Variants in LILRB2 observed in about 807,000 individuals in gnomAD.
LILRB2 encodes the protein leukocyte immunoglobulin like receptor B2.
A neutral mutation model predicts 72.7 loss-of-function variants in LILRB2; 47 were observed. That is an observed-to-expected ratio of 0.65 (90% confidence interval 0.51 to 0.82). The LOEUF is 0.82. Ranked by LOEUF, LILRB2 falls within the 40% of genes least tolerant of loss-of-function variation. LILRB2 has a pLI of 0.00. For synonymous variants in LILRB2, 279 were observed against 313.7 expected (o/e 0.89, Z 1.17); for missense variants, 767 against 764.8 (o/e 1.00, Z -0.03).
intron 13 of LILRB2, chr19:54,275,507 G>A (rs188561435): frequency 0.013 from 6,448 of 510,806 alleles, 173 homozygotes; most frequent in African/African-American, 0.054. Context: ...TGGACATGGC[G>A]CATTTATTTG....
rs759453589 is a variant in LILRB2, at chr19:54,275,918, C to T, written c.1647+33G>A. On this transcript the variant is annotated intron_variant, in intron 13 of 13. Transcript: ENST00000314446. ...CTGGATTAGATCTGGCACCAGGAGG[C>T]CTTTGGTGCCTGGGACAGGGGCGGG... 6.8e-6 allele frequency: 11 copies of T among 1,612,892 alleles called. No homozygotes were observed. The East Asian group carries it at 2.2e-4, about 33-fold the overall frequency.
intron 3 of LILRB2, 39 bp downstream of exon 3, chr19:54,280,225 T>G (rs1295879343): frequency 6.2e-7 from 1 of 1,613,328 alleles, no homozygotes; most frequent in East Asian, 2.2e-5. Context: ...TTGTCCCCAG[T>G]GAGGAGGAGG....
chr19:54,279,266 C>G (rs2080425891), intron 5 of LILRB2, 79 bp downstream of exon 5: 1 of 1,551,576 alleles, frequency 6.4e-7, no homozygotes. Flanking sequence ...TGGAACTGCC[C>G]TGAGACACGG....
At position 54,278,020 on chromosome 19, in the gene LILRB2, C is replaced by A. The variant is rs545573032; in HGVS notation, c.1259-81G>T. The A allele has an allele frequency of 5.4e-5, 65 of 1,200,752 alleles. No homozygotes were observed. The East Asian group carries it at 1.3e-3, about 24-fold the overall frequency. 74.4% of individuals were successfully genotyped at this position (1,200,752 alleles called of 1,614,324 possible). ...CTCAAACCAAATTTCTCTACATGGGCCCTGTGGCCTCCCCAGGCCCCTCCC... is the reference window on the plus strand; with the variant it reads ...CTCAAACCAAATTTCTCTACATGGGACCTGTGGCCTCCCCAGGCCCCTCCC... On this transcript the variant is annotated intron_variant, in intron 7 of 13. Transcript: ENST00000314446.
intron 13 of LILRB2, 158 bp from the exon 14 acceptor site, chr19:54,274,987 G>A: frequency 1.4e-5 from 22 of 1,610,008 alleles, no homozygotes; most frequent in Non-Finnish European, 1.8e-5. Flanking sequence ...GGAGGGAGGA[G>A]AGGCCATTTC....
chr19:54,279,033 C>A lies in LILRB2; in HGVS notation c.734G>T (p.Cys245Phe). The change falls in exon 6 of 14, where the codon TGT (cysteine) becomes TTT (phenylalanine). Residue 245 changes from cysteine (C) to phenylalanine (F), a missense_variant. By Grantham distance (205) the Cys-to-Phe change is radical. Transcript: ENST00000314446. The stretch of plus-strand genomic sequence containing the variant: ...TCTGTCATAGCCGACATCAGAGACA[C>A]ACTGGAGGGTCAGGCTTTCCCCAGG... ...MAPGESLTLQ[C>F]VSDVGYDRFV... The A allele has an allele frequency of 6.2e-7, 1 of 1,614,200 alleles. No individual in the cohort carries two copies. The highest frequency in any genetic ancestry group is 1.1e-5 in the South Asian group (1 of 91,086).
chr19:54,279,349 G>A lies in LILRB2; in HGVS notation c.654C>T (p.Val218=). 1 of 1,610,958 alleles carries A rather than the reference G, an allele frequency of 6.2e-7. No homozygotes were observed. Among genetic ancestry groups the A allele is most frequent in the Non-Finnish European group, 8.5e-7 (1 of 1,177,814 alleles). The change falls in exon 5 of 14, where the codon GTC becomes GTT. Residue 218 remains valine, a synonymous_variant. Transcript: ENST00000314446. ...SSPSDLLELL[V]PGVSKKPSLS... The stretch of plus-strand genomic sequence containing the variant: ...ACAATGCTGTGAATTTCTCACCTGG[G>A]ACCAGGAGCTCCAGGAGATCACTGG...
At position 54,280,484 on chromosome 19, in the gene LILRB2, C is replaced by T. The variant is rs139569696; in HGVS notation, c.13G>A (p.Val5Ile). Residue 5 changes from valine (V) to isoleucine (I), a missense_variant, in exon 2 of 14, where the codon GTC (valine) becomes ATC (isoleucine). Transcript: ENST00000314446. ...TCACCGAGACAGATCAGGACTGTGA[C>T]GATGGGGGTCATGGCGTCTCCTCCC... is the stretch of plus-strand genomic sequence containing the variant. Reference protein sequence around the residue: MTPIVTVLICLGLSL... With the variant: MTPIITVLICLGLSL... 203 of 1,612,952 alleles carry T rather than the reference C, an allele frequency of 1.3e-4. No individual in the cohort carries two copies. In the African/African-American group the frequency reaches 2.3e-3, roughly 18 times the overall value.
intron 7 of LILRB2, 136 bp downstream of exon 7, chr19:54,278,124 C>T (rs2080331928): frequency 1.6e-6 from 2 of 1,289,920 alleles, no homozygotes; most frequent in Non-Finnish European, 2.1e-6. Flanking sequence ...TGTCCTCCTT[C>T]CCTCTGAGGG....
At chr19:54,277,823 C>T (rs1235633488) in intron 8 of LILRB2, 66 bp downstream of exon 8, 8 of 1,395,128 alleles carry the variant, frequency 5.7e-6, no homozygotes, top group African/African-American at 1.4e-5. Flanking sequence ...TGGGATCCTC[C>T]TGGACACTCA....
chr19:54,276,850 G>C lies in LILRB2; in HGVS notation c.1437C>G (p.Phe479Leu). Residue 479 changes from phenylalanine to leucine, a missense_variant, in exon 10 of 14, where the codon TTC becomes TTG. Coordinates refer to ENST00000314446, the MANE Select transcript of LILRB2 (RefSeq NM_001080978.4). The part of the protein sequence containing the change: ...VLLLLLLLLL[F>L]LILRHRRQGK... ...CCTGACGTCGATGTCGGAGGATGAGGAAGAGGAGGAGGAGGAGGAGGAGCA... is the reference window on the plus strand; with the variant it reads ...CCTGACGTCGATGTCGGAGGATGAGCAAGAGGAGGAGGAGGAGGAGGAGCA... The C allele has an allele frequency of 6.2e-7, 1 of 1,614,022 alleles. No individual in the cohort carries two copies. The highest frequency in any genetic ancestry group is 8.5e-7 in the Non-Finnish European group (1 of 1,179,960).
intron 3 of LILRB2, 29 bp from the exon 4 acceptor site, chr19:54,280,104 A>C (rs1335784842): frequency 1.2e-6 from 2 of 1,612,180 alleles, no homozygotes; most frequent in Non-Finnish European, 1.7e-6. Context: ...TCAGATTCGA[A>C]GTCATTTCCC....
chr19:54,279,850 T>C lies in LILRB2; in HGVS notation c.296A>G (p.Gln99Arg), dbSNP rs757663648. The C allele has an allele frequency of 3.1e-6, 5 of 1,614,126 alleles. No individual in the cohort carries two copies. The East Asian group carries it at 8.9e-5, about 29-fold the overall frequency. ...AGACCACCGAGCGCGGCTGTAATAC[T>C]GACAGCCATATCGCCCTGTGTGTTC... Reference protein sequence around the residue: ...TWEHTGRYGCQYYSRARWSEL... With the variant: ...TWEHTGRYGCRYYSRARWSEL... The change falls in exon 4 of 14, where the codon CAG (glutamine) becomes CGG (arginine). Residue 99 changes from glutamine to arginine, a missense_variant. Coordinates refer to ENST00000314446, the MANE Select transcript of LILRB2 (RefSeq NM_001080978.4).
Position 54,276,468 on chromosome 19 carries a change from A to T in LILRB2, c.1481-12T>A. On this transcript the variant is annotated splice_polypyrimidine_tract_variant and intron_variant, in intron 10 of 13. Transcript: ENST00000314446. Reference sequence around the variant, plus strand: ...AGCCTTTCTCTGGGCTGGGGGAAGAAGGACAGAGCCTCAGCCCTGGGAACA... The same window carrying T: ...AGCCTTTCTCTGGGCTGGGGGAAGATGGACAGAGCCTCAGCCCTGGGAACA... The T allele has an allele frequency of 6.4e-7, 1 of 1,561,760 alleles. No individual in the cohort carries two copies.
rs1229484009 is a variant in LILRB2 at position 54,275,955 on chromosome 19, G to A, written c.1643C>T (p.Thr548Ile). ...GGGACAGGGGCGGGGTCTCACCCGAGTGTCCATCTCCACCCCATCTTCAGG... is the reference window on the plus strand; with the variant it reads ...GGGACAGGGGCGGGGTCTCACCCGAATGTCCATCTCCACCCCATCTTCAGG... ...TQPEDGVEMDTRAAASEAPQD... is the reference protein window; with the variant it reads ...TQPEDGVEMDIRAAASEAPQD... Residue 548 changes from threonine (T) to isoleucine (I), a missense_variant, in exon 13 of 14, where the codon ACT becomes ATT. Coordinates refer to ENST00000314446, the MANE Select transcript of LILRB2 (RefSeq NM_001080978.4). The A allele has an allele frequency of 6.2e-7, 1 of 1,614,152 alleles. No homozygotes were observed. The highest frequency in any genetic ancestry group is 1.1e-5 in the South Asian group (1 of 91,084).
chr19:54,277,827 A>G, intron 8 of LILRB2, 62 bp downstream of exon 8: 1 of 1,397,448 alleles, frequency 7.2e-7, no homozygotes, highest in Middle Eastern at 1.8e-4. Context: ...ATCCTCCTGG[A>G]CACTCAAAGC....
intron 13 of LILRB2, 32 bp from the exon 14 acceptor site, chr19:54,274,861 G>C (rs201249901): frequency 2.5e-6 from 4 of 1,609,918 alleles, no homozygotes; most frequent in Middle Eastern, 1.7e-4. Flanking sequence ...GGTAAGGAAC[G>C]TGGTGGGGGT....
rs180906165 is a variant in LILRB2 at position 54,276,580 on chromosome 19, G to A, written c.1481-124C>T. On this transcript the variant is annotated intron_variant, in intron 10 of 13. Transcript: ENST00000314446. ...TGCCTCCATGTTCCAAATGCCTCAT[G>A]AGATGGACAGAGTCCGAAGGACACT... The A allele has an allele frequency of 1.1e-4, 164 of 1,433,002 alleles. 1 individual carries two copies. Among genetic ancestry groups the A allele is most frequent in the African/African-American group, 3.6e-4 (25 of 69,984 alleles). 88.8% of individuals were successfully genotyped at this position (1,433,002 alleles called of 1,614,324 possible).
chr19:54,279,404 T>C lies in LILRB2; in HGVS notation c.599A>G (p.Asp200Gly). ...RRWSHRCYGY[D>G]LNSPYVWSSP... ...AGACCACACATAGGGAGAGTTCAAG[T>C]CATAACCATAGCACCTGTGCGACCA... Residue 200 changes from aspartate (D) to glycine (G), a missense_variant, in exon 5 of 14, where the codon GAC becomes GGC. Asp to Gly is a moderately conservative substitution (Grantham distance 94). Transcript: ENST00000314446. The C allele has an allele frequency of 6.2e-7, 1 of 1,614,012 alleles. No homozygotes were observed. Among genetic ancestry groups the C allele is most frequent in the Non-Finnish European group, 8.5e-7 (1 of 1,179,996 alleles).
Sources: allele counts gnomAD v4.1 joint callset, GRCh38; gene constraint gnomAD v4.1.1; transcripts MANE v1.5; gene names NCBI Gene and HGNC (gene_info 2026-07-23, HGNC 2026-07-21).